GULP1: variants seen among roughly 807,000 people sequenced by gnomAD.
GULP1 encodes PTB domain-containing engulfment adapter protein 1.
A neutral mutation model predicts 40.9 loss-of-function variants in GULP1; 19 were observed. The observed-to-expected ratio is 0.46, with a 90% CI of 0.32 to 0.68. The LOEUF (loss-of-function observed/expected upper bound fraction) is 0.68. Among genes scored for constraint, GULP1 ranks in the 30% least tolerant of loss-of-function variants. The pLI, the probability that GULP1 is intolerant of heterozygous loss-of-function variation, is 0.03. For synonymous variants in GULP1, 119 were observed against 117.6 expected (o/e 1.01, Z -0.08); for missense variants, 312 against 362.2 (o/e 0.86, Z 1.12).
chr2:188,458,980 C>T (rs577249837), intron 2 of GULP1, among the ~76,000 whole-genome samples: 14 of 152,162 alleles, frequency 9.2e-5, no homozygotes, highest in Non-Finnish European at 5.9e-5. Context: ...TTTCACTGAA[C>T]ATAATGACTT....
chr2:188,417,567 A>G (rs1278619329), intron 2 of GULP1, among the ~76,000 whole-genome samples: 2 of 152,228 alleles, frequency 1.3e-5, no homozygotes, highest in African/African-American at 4.8e-5. Flanking sequence ...TCTTTCATTT[A>G]AAAATATTTC....
chr2:188,554,660 A>G (rs1376505645), intron 7 of GULP1, among the ~76,000 whole-genome samples: 1 of 152,012 alleles, frequency 6.6e-6, no homozygotes, highest in African/African-American at 2.4e-5. Context: ...TATTAGGTCA[A>G]TTTGGTCTGT....
In GULP1 at chr2:188,413,553, A is replaced by T. The variant is rs368056238; in HGVS notation, c.-45+29664A>T. 4.6e-5 allele frequency among the ~76,000 whole-genome samples: 7 copies of T among 152,060 alleles called. No homozygotes were observed. In the South Asian group the frequency reaches 1.5e-3, roughly 32 times the overall value. On this transcript the variant is annotated intron_variant, in intron 2 of 11. Transcript: ENST00000409830. ...TGGGGTTGTTTGATTTTTTGTTGTA[A>T]ATTTGTTTAAGGTCTTTGTATATAT...
chr2:188,583,090 T>C (rs561623786), intron 9 of GULP1, among the ~76,000 whole-genome samples: 2 of 152,014 alleles, frequency 1.3e-5, no homozygotes, highest in South Asian at 4.2e-4. Context: ...AGTAGAGATA[T>C]AGAAGTGAGA....
intron 2 of GULP1, among the ~76,000 whole-genome samples, chr2:188,438,672 A>G (rs1360818568): frequency 1.2e-5 from 1 of 80,930 alleles, no homozygotes; most frequent in East Asian, 3.6e-4. Flanking sequence ...TATATATCAC[A>G]AAAAAAATGT....
Position 188,317,796 on chromosome 2 carries a change from G to GTT in GULP1, c.-172+25639_-172+25640dup, listed in dbSNP as rs71399275. On this transcript the variant is annotated intron_variant, in intron 1 of 11. Coordinates refer to ENST00000409830, the MANE Select transcript of GULP1 (RefSeq NM_016315.4). Reference sequence around the variant, plus strand: ...ATATGCTATTAAGTGAATTAGTGAGGTTTTTTTTTTATATTGTGGCATATG... The same window carrying GTT: ...ATATGCTATTAAGTGAATTAGTGAGGTTTTTTTTTTTTATATTGTGGCATATG... 1.6e-3 allele frequency among the ~76,000 whole-genome samples: 235 copies of GTT among 150,142 alleles called. 1 individual carries two copies. The highest frequency in any genetic ancestry group is 4.4e-3 in the African/African-American group (179 of 41,018).
At chr2:188,550,976 C>CCTGAGTTTAAAAACT (rs1298510762) in intron 7 of GULP1, among the ~76,000 whole-genome samples, 1 of 151,212 alleles carries the variant, frequency 6.6e-6, no homozygotes, top group African/African-American at 2.4e-5. Flanking sequence ...ATATCAAGTC[C>CCTGAGTTTAAAAACT]CTGAGTTTAA....
At chr2:188,509,872 T>TA (rs2064325185) in intron 4 of GULP1, among the ~76,000 whole-genome samples, 2 of 152,110 alleles carry the variant, frequency 1.3e-5, no homozygotes, top group African/African-American at 4.8e-5. Context: ...GATGTGTGTG[T>TA]AGCCTGTGGC....
At chr2:188,490,900 C>T (rs1284453950) in intron 4 of GULP1, among the ~76,000 whole-genome samples, 1 of 151,988 alleles carries the variant, frequency 6.6e-6, no homozygotes, top group Non-Finnish European at 1.5e-5. Context: ...GCCTCCTGGG[C>T]TCAGGTGATC....
At chr2:188,371,979 C>G (rs1165252489) in intron 1 of GULP1, among the ~76,000 whole-genome samples, 1 of 138,428 alleles carries the variant, frequency 7.2e-6, no homozygotes, top group Non-Finnish European at 1.5e-5. Context: ...AAAGTTAGAT[C>G]CATTTAAGAG....
intron 2 of GULP1, among the ~76,000 whole-genome samples, chr2:188,428,982 G>A (rs2056551599): frequency 6.6e-6 from 1 of 152,032 alleles, no homozygotes; most frequent in Non-Finnish European, 1.5e-5. Flanking sequence ...ACAGGAAAAG[G>A]ATACTCACAG....
intron 1 of GULP1, among the ~76,000 whole-genome samples, chr2:188,297,742 A>G: frequency 6.6e-6 from 1 of 152,016 alleles, no homozygotes; most frequent in East Asian, 1.9e-4. Context: ...GCTGTATAAT[A>G]TTTCATGAGG....
intron 7 of GULP1, among the ~76,000 whole-genome samples, chr2:188,544,641 G>A (rs1691431111): frequency 6.6e-6 from 1 of 151,790 alleles, no homozygotes; most frequent in African/African-American, 2.4e-5. Context: ...CAAAGGAAAA[G>A]AATCAATGAC....
At chr2:188,320,208 C>T (rs560906673) in intron 1 of GULP1, among the ~76,000 whole-genome samples, 102 of 152,136 alleles carry the variant, frequency 6.7e-4, no homozygotes, top group Admixed American at 6.5e-3. Flanking sequence ...TGGTAGAGAA[C>T]CAAAGTTTAT....
chr2:188,382,801 CAA>C (rs1198015815), intron 1 of GULP1, among the ~76,000 whole-genome samples: 1 of 152,104 alleles, frequency 6.6e-6, no homozygotes, highest in East Asian at 1.9e-4. Context: ...CAGAAGAAAA[CAA>C]ATACATTGAA....
At chr2:188,440,120 A>G (rs2057782001) in intron 2 of GULP1, among the ~76,000 whole-genome samples, 1 of 152,216 alleles carries the variant, frequency 6.6e-6, no homozygotes, top group African/African-American at 2.4e-5. Context: ...AAATTGGGCC[A>G]CAAATGTGGT....
intron 1 of GULP1, among the ~76,000 whole-genome samples, chr2:188,339,980 A>G (rs2042749200): frequency 6.6e-6 from 1 of 152,224 alleles, no homozygotes; most frequent in Non-Finnish European, 1.5e-5. Context: ...ATTAAAAAGG[A>G]CTTTGTGCAA....
chr2:188,357,595 G>T (rs184380954), intron 1 of GULP1, among the ~76,000 whole-genome samples: 264 of 152,126 alleles, frequency 1.7e-3, no homozygotes, highest in Non-Finnish European at 3.3e-3. Context: ...ATAATCTTTT[G>T]GTGGGAGGAT....
chr2:188,589,794 T>C (rs1703146190), intron 11 of GULP1: 1 of 1,103,256 alleles, frequency 9.1e-7, no homozygotes, highest in South Asian at 1.9e-5. Context: ...ACTTACAAAT[T>C]TTTAAAGCTG....
Sources: allele counts gnomAD v4.1 joint callset (sites outside exome capture counted in the v4.1 genomes callset), GRCh38; gene constraint gnomAD v4.1.1; transcripts MANE v1.5; gene names NCBI Gene and HGNC (gene_info 2026-07-23, HGNC 2026-07-21).